CPNE4: variants seen among roughly 807,000 people sequenced by gnomAD.
The protein encoded by CPNE4 is copine 4.
CPNE4 carries 25 observed loss-of-function variants against 67.9 expected under a neutral mutation model. The observed-to-expected ratio is 0.37, with a 90% CI of 0.27 to 0.51. The LOEUF (loss-of-function observed/expected upper bound fraction) is 0.51. Ranked by LOEUF, CPNE4 falls within the 20% of genes least tolerant of loss-of-function variation. The probability of loss-of-function intolerance (pLI) is 0.93; values close to 1 mark genes in which losing one functional copy is unlikely to be tolerated. For synonymous variants in CPNE4, 242 were observed against 244.9 expected (o/e 0.99, Z 0.11); for missense variants, 464 against 690.8 (o/e 0.67, Z 3.68).
intron 7 of CPNE4, among the ~76,000 whole-genome samples, chr3:131,626,189 C>T (rs2079068839): frequency 6.6e-6 from 1 of 152,046 alleles, no homozygotes; most frequent in Non-Finnish European, 1.5e-5. Flanking sequence ...CTAAAGTGGC[C>T]TCTAAATGTT....
chr3:131,654,742 G>C (rs2079908619), intron 7 of CPNE4, among the ~76,000 whole-genome samples: 1 of 152,208 alleles, frequency 6.6e-6, no homozygotes, highest in South Asian at 2.1e-4. Context: ...AGAGAGTAAA[G>C]ATACAATTGA....
intron 1 of CPNE4, among the ~76,000 whole-genome samples, chr3:131,912,435 T>G (rs927533206): frequency 2.0e-5 from 3 of 151,760 alleles, no homozygotes; most frequent in Non-Finnish European, 2.9e-5. Flanking sequence ...TTATTCAGCC[T>G]TTTAAAATGT....
rs1339134680 is a variant in CPNE4 at position 132,005,362 on chromosome 3, CACACACACACAT to C, written c.-2+29193_-2+29204del. 1.8e-3 allele frequency among the ~76,000 whole-genome samples: 167 copies of C among 90,982 alleles called. 1 individual carries two copies. The highest frequency in any genetic ancestry group is 6.0e-3 in the African/African-American group (140 of 23,272). The allele number at this position is 90,982 out of a possible 152,430, so 59.7% of individuals were successfully genotyped here. A position where few individuals can be genotyped will look rare whatever the true frequency, so the allele number is the denominator to read the frequency against. On this transcript the variant is annotated intron_variant, in intron 1 of 15. Coordinates refer to ENST00000429747, the MANE Select transcript of CPNE4 (RefSeq NM_130808.3). Reference sequence around the variant, plus strand: ...ATATATACACACACACACACACACACACACACACACATATATGTTTATATTTCTATCATATAT... The same window carrying C: ...ATATATACACACACACACACACACACATATGTTTATATTTCTATCATATAT...
intron 15 of CPNE4, among the ~76,000 whole-genome samples, chr3:131,539,852 C>T (rs1935376921): frequency 6.6e-6 from 1 of 152,160 alleles, no homozygotes; most frequent in Non-Finnish European, 1.5e-5. Context: ...GAAAAGAATG[C>T]AGCATTAAAA....
intron 2 of CPNE4, among the ~76,000 whole-genome samples, chr3:131,726,825 T>A (rs1473763361): frequency 6.6e-6 from 1 of 152,050 alleles, no homozygotes; most frequent in Non-Finnish European, 1.5e-5. Context: ...TAAAAAAGTG[T>A]TCTAGAGAAT....
At chr3:131,832,906 G>T (rs554698892) in intron 2 of CPNE4, among the ~76,000 whole-genome samples, 1 of 152,292 alleles carries the variant, frequency 6.6e-6, no homozygotes, top group African/African-American at 2.4e-5. Context: ...TAGACTGACT[G>T]CTATAGACTG....
At chr3:131,781,990 TTGAG>T (rs1268031761) in intron 2 of CPNE4, among the ~76,000 whole-genome samples, 2 of 152,120 alleles carry the variant, frequency 1.3e-5, no homozygotes, top group Non-Finnish European at 2.9e-5. Flanking sequence ...TGTTAAATGC[TTGAG>T]TGAGTGAATG....
chr3:131,981,174 G>C (rs373680152), intron 1 of CPNE4, among the ~76,000 whole-genome samples: 3 of 152,244 alleles, frequency 2.0e-5, no homozygotes, highest in East Asian at 3.9e-4. Context: ...TTGGCCTCCT[G>C]TCAGGAGGTG....
intron 3 of CPNE4, among the ~76,000 whole-genome samples, chr3:131,711,033 C>T (rs948755012): frequency 1.3e-5 from 2 of 152,098 alleles, no homozygotes; most frequent in African/African-American, 4.8e-5. Flanking sequence ...TAAATACTAG[C>T]TATGAAAATG....
intron 1 of CPNE4, among the ~76,000 whole-genome samples, chr3:131,948,430 C>A (rs1238042221): frequency 6.6e-6 from 1 of 152,192 alleles, no homozygotes. Flanking sequence ...CCCAGCAATG[C>A]GGAACTGTGA....
At chr3:131,631,985 TGA>T (rs894067406) in intron 7 of CPNE4, among the ~76,000 whole-genome samples, 2 of 150,626 alleles carry the variant, frequency 1.3e-5, no homozygotes, top group Non-Finnish European at 3.0e-5. Flanking sequence ...CTCGGGAGGC[TGA>T]GGCACAAGAG....
chr3:131,547,105 G>C (rs998162524), intron 14 of CPNE4, among the ~76,000 whole-genome samples: 1 of 142,118 alleles, frequency 7.0e-6, no homozygotes, highest in Admixed American at 6.8e-5. Context: ...ATGCATTTGG[G>C]GAAGCCTTTG....
intron 1 of CPNE4, among the ~76,000 whole-genome samples, chr3:131,999,007 A>T (rs533337917): frequency 6.6e-6 from 1 of 152,108 alleles, no homozygotes; most frequent in East Asian, 1.9e-4. Flanking sequence ...AGGGACTGTG[A>T]TTACTTTAGA....
chr3:131,848,362 C>G (rs1029282977), intron 2 of CPNE4, among the ~76,000 whole-genome samples: 3 of 152,152 alleles, frequency 2.0e-5, no homozygotes, highest in Admixed American at 6.6e-5. Flanking sequence ...CCCCACTCAT[C>G]TTTTCTCCCT....
At chr3:131,602,037 C>T (rs1014817956) in intron 7 of CPNE4, among the ~76,000 whole-genome samples, 2 of 152,126 alleles carry the variant, frequency 1.3e-5, no homozygotes, top group African/African-American at 4.8e-5. Flanking sequence ...TTTAGTACAC[C>T]TAAGAAGAGT....
chr3:131,713,373 A>G (rs1339392152), intron 3 of CPNE4, among the ~76,000 whole-genome samples: 1 of 152,196 alleles, frequency 6.6e-6, no homozygotes. Context: ...ACTGAACGAC[A>G]TCTATGACTT....
chr3:131,985,099 C>A (rs2073010009), intron 1 of CPNE4, among the ~76,000 whole-genome samples: 1 of 152,176 alleles, frequency 6.6e-6, no homozygotes, highest in Admixed American at 6.5e-5. Flanking sequence ...GGGCTCCCTT[C>A]CAAGTTGCAG....
intron 7 of CPNE4, among the ~76,000 whole-genome samples, chr3:131,609,980 A>G (rs998367726): frequency 1.3e-5 from 2 of 152,192 alleles, no homozygotes; most frequent in South Asian, 4.1e-4. Context: ...CATGCTCAGA[A>G]TGAGTAAAGT....
chr3:131,719,063 C>T lies in CPNE4; in HGVS notation c.360+4383G>A, dbSNP rs865985362. Among the ~76,000 whole-genome samples, 4 of 152,138 alleles carry T rather than the reference C, an allele frequency of 2.6e-5. No homozygotes were observed. The South Asian group carries it at 6.2e-4, about 24-fold the overall frequency. ...GAGAGGGTGGTTGCCAAAGAACATG[C>T]GAGATATCCAGAGAGGCCAGCATGT... is the stretch of plus-strand genomic sequence containing the variant. On this transcript the variant is annotated intron_variant, in intron 3 of 15. Transcript: ENST00000429747.
Sources: allele counts gnomAD v4.1 joint callset (sites outside exome capture counted in the v4.1 genomes callset), GRCh38; gene constraint gnomAD v4.1.1; transcripts MANE v1.5; gene names NCBI Gene and HGNC (gene_info 2026-07-23, HGNC 2026-07-21).